The following ZFAND6 variants were observed in gnomAD, a reference collection of about 807,000 sequenced individuals.
The protein encoded by ZFAND6 is zinc finger AN1-type containing 6, also known as AN1-type zinc finger protein 6.
Under a neutral mutation model 24.5 loss-of-function variants are expected in ZFAND6, and 12 were observed. The ratio of observed to expected loss-of-function variants is 0.49; its 90% confidence interval spans 0.31 to 0.79. The LOEUF is 0.79. Ranked by LOEUF, ZFAND6 falls within the 30% of genes least tolerant of loss-of-function variation. The pLI is 0.04. For synonymous variants in ZFAND6, 92 were observed against 81.5 expected, an observed-to-expected ratio of 1.13 and a Z score of -0.69; for missense variants, 207 against 245.9, an observed-to-expected ratio of 0.84 and a Z score of 1.06.
intron 1 of ZFAND6, among the ~76,000 whole-genome samples, chr15:80,081,803 C>A (rs912365857): frequency 6.6e-6 from 1 of 152,068 alleles, no homozygotes; most frequent in Non-Finnish European, 1.5e-5. Flanking sequence ...CAGCCTCGGG[C>A]CAGACTTAAT....
intron 1 of ZFAND6, among the ~76,000 whole-genome samples, chr15:80,068,948 ACT>A (rs755371937): frequency 2.6e-5 from 4 of 152,072 alleles, no homozygotes; most frequent in South Asian, 2.1e-4. Context: ...GAATAAACTA[ACT>A]CTGTTAACTT....
rs2040179943 is a variant in ZFAND6 at position 80,122,251 on chromosome 15, C to A, written c.263+431C>A. Among the ~76,000 whole-genome samples the A allele has an allele frequency of 2.6e-5, 4 of 152,118 alleles. No homozygotes were observed. In the South Asian group the frequency reaches 8.3e-4, roughly 31 times the overall value. On this transcript the variant is annotated intron_variant, in intron 4 of 6. Transcript: ENST00000261749. ...ATATTTTTTAACTCTGAAGTCACATCATTTAGAAGCCTGCATACAGCAATA... is the reference window on the plus strand; with the variant it reads ...ATATTTTTTAACTCTGAAGTCACATAATTTAGAAGCCTGCATACAGCAATA...
intron 1 of ZFAND6, among the ~76,000 whole-genome samples, chr15:80,097,725 A>T (rs1312810191): frequency 6.6e-6 from 1 of 152,198 alleles, no homozygotes; most frequent in African/African-American, 2.4e-5. Context: ...TGCCTATGTA[A>T]TACATATTTG....
chr15:80,096,115 C>G (rs1236449638), intron 1 of ZFAND6, among the ~76,000 whole-genome samples: 6 of 152,176 alleles, frequency 3.9e-5, no homozygotes, highest in Non-Finnish European at 5.9e-5. Context: ...TGATCTTGAA[C>G]CAGTTCCTAA....
intron 2 of ZFAND6, 135 bp from the exon 3 acceptor site, chr15:80,120,193 C>T (rs1177666596): frequency 3.0e-6 from 2 of 661,924 alleles, no homozygotes; most frequent in African/African-American, 3.7e-5. Flanking sequence ...CTTTTTAGCC[C>T]TATGTCTTGG....
intron 1 of ZFAND6, among the ~76,000 whole-genome samples, chr15:80,064,524 T>C (rs935699660): frequency 4.6e-5 from 7 of 152,222 alleles, no homozygotes; most frequent in African/African-American, 1.4e-4. Context: ...TTAAACTTTT[T>C]ATATTTTTAG....
At chr15:80,070,278 T>G (rs2036900089) in intron 1 of ZFAND6, among the ~76,000 whole-genome samples, 1 of 152,326 alleles carries the variant, frequency 6.6e-6, no homozygotes, top group African/African-American at 2.4e-5. Flanking sequence ...TTTGGGAAAC[T>G]TTCTGGGCTT....
intron 1 of ZFAND6, among the ~76,000 whole-genome samples, chr15:80,066,757 C>T (rs1189022399): frequency 6.6e-6 from 1 of 150,628 alleles, no homozygotes; most frequent in Admixed American, 6.6e-5. Context: ...ATTAGCTGGG[C>T]GTGGTGGCCG....
In ZFAND6 at chr15:80,117,309, G is replaced by A. The variant is rs535763741; in HGVS notation, c.-17-3019G>A. Among the ~76,000 whole-genome samples, 54 of 151,830 alleles carry A rather than the reference G, an allele frequency of 3.6e-4. 1 individual carries two copies. Among genetic ancestry groups the A allele is most frequent in the Admixed American group, 2.1e-3 (32 of 15,220 alleles). On this transcript the variant is annotated intron_variant, in intron 2 of 6. Transcript: ENST00000261749. ...ACGATCTTGGCTCACTGCAAGCTCCGCCCCCTGGCTTCATGCCATTCTCCT... is the reference window on the plus strand; with the variant it reads ...ACGATCTTGGCTCACTGCAAGCTCCACCCCCTGGCTTCATGCCATTCTCCT...
intron 6 of ZFAND6, among the ~76,000 whole-genome samples, chr15:80,135,326 A>G (rs1402061700): frequency 3.3e-5 from 5 of 152,232 alleles, no homozygotes; most frequent in Admixed American, 1.3e-4. Context: ...TCTGGTTAAT[A>G]AGCTATTAAT....
intron 2 of ZFAND6, among the ~76,000 whole-genome samples, chr15:80,119,469 A>G (rs1422663284): frequency 2.0e-5 from 3 of 152,148 alleles, no homozygotes; most frequent in African/African-American, 4.8e-5. Context: ...AAAATATAGT[A>G]TACGCATTTC....
intron 1 of ZFAND6, among the ~76,000 whole-genome samples, chr15:80,080,436 C>T (rs1326214312): frequency 1.3e-5 from 2 of 152,160 alleles, no homozygotes; most frequent in African/African-American, 4.8e-5. Flanking sequence ...TTGTCCTATA[C>T]ATAAATACCT....
intron 1 of ZFAND6, among the ~76,000 whole-genome samples, chr15:80,080,379 G>A (rs2037589954): frequency 1.3e-5 from 2 of 152,182 alleles, no homozygotes; most frequent in Non-Finnish European, 2.9e-5. Context: ...TGGGAGATAT[G>A]TTTGAAGACC....
chr15:80,070,859 T>C (rs548949647), intron 1 of ZFAND6, among the ~76,000 whole-genome samples: 1 of 152,342 alleles, frequency 6.6e-6, no homozygotes, highest in South Asian at 2.1e-4. Context: ...TCCTCAAATC[T>C]TATGCTGTAA....
At chr15:80,088,040 T>C (rs996149977) in intron 1 of ZFAND6, among the ~76,000 whole-genome samples, 39 of 151,878 alleles carry the variant, frequency 2.6e-4, no homozygotes, top group Non-Finnish European at 4.0e-4. Flanking sequence ...GATTAAGTTA[T>C]CAAAATCAGG....
intron 5 of ZFAND6, among the ~76,000 whole-genome samples, chr15:80,123,420 T>G (rs1349114923): frequency 6.6e-6 from 1 of 152,160 alleles, no homozygotes; most frequent in Non-Finnish European, 1.5e-5. Context: ...AATCTCTGCT[T>G]AATTAGTTGT....
At chr15:80,061,611 T>C (rs1048700979) in intron 1 of ZFAND6, among the ~76,000 whole-genome samples, 1 of 152,258 alleles carries the variant, frequency 6.6e-6, no homozygotes, top group Admixed American at 6.5e-5. Context: ...TGTTTTTCTT[T>C]TGAGCTTTAT....
At chr15:80,116,951 C>A (rs1386257275) in intron 2 of ZFAND6, among the ~76,000 whole-genome samples, 1 of 152,178 alleles carries the variant, frequency 6.6e-6, no homozygotes, top group Non-Finnish European at 1.5e-5. Context: ...ATCTTCTGTT[C>A]ATGAGTAATT....
chr15:80,118,415 T>C (rs1433613834), intron 2 of ZFAND6, among the ~76,000 whole-genome samples: 3 of 152,160 alleles, frequency 2.0e-5, no homozygotes, highest in Admixed American at 1.3e-4. Flanking sequence ...CCTTGAGCAA[T>C]TACTCTGATA....
Sources: gnomAD v4.1 joint callset for allele counts (sites outside exome capture counted in the v4.1 genomes callset) on GRCh38, gnomAD v4.1.1 for gene constraint, MANE v1.5 for transcripts, NCBI Gene and HGNC (gene_info 2026-07-23, HGNC 2026-07-21) for gene names.